Variants in USP37 observed in about 807,000 individuals in gnomAD.
USP37 encodes ubiquitin carboxyl-terminal hydrolase 37.
In USP37, 27 loss-of-function variants were observed where a neutral mutation model predicts 124.0. The ratio of observed to expected loss-of-function variants is 0.22; its 90% confidence interval spans 0.16 to 0.30. USP37 has a LOEUF of 0.30. USP37 is among the 10% of genes least tolerant of loss of function. The probability of loss-of-function intolerance (pLI) is 1.00; values close to 1 mark genes in which losing one functional copy is unlikely to be tolerated. For synonymous variants in USP37, 365 were observed against 388.0 expected (o/e 0.94, Z 0.70); for missense variants, 889 against 1,140.4 (o/e 0.78, Z 3.17).
intron 24 of USP37, 37 bp from the exon 25 acceptor site, chr2:218,455,755 A>G: frequency 6.2e-7 from 1 of 1,603,838 alleles, no homozygotes; most frequent in East Asian, 2.2e-5. Context: ...AGGTTTTTAA[A>G]AACACACCGA....
intron 8 of USP37, among the ~76,000 whole-genome samples, chr2:218,543,266 C>T (rs1185450902): frequency 1.3e-5 from 2 of 152,000 alleles, no homozygotes; most frequent in African/African-American, 4.8e-5. Context: ...CCTTGCGAGG[C>T]CGAGGTGGGC....
At chr2:218,460,551 T>C (rs1200086496) in intron 22 of USP37, among the ~76,000 whole-genome samples, 1 of 152,210 alleles carries the variant, frequency 6.6e-6, no homozygotes, top group South Asian at 2.1e-4. Context: ...ATAAGCTATA[T>C]ATGTTAGATT....
rs182838086 is a variant in USP37 at position 218,509,749 on chromosome 2, C to T, written c.1025+230G>A. ...GAAGTGTACTGGGTTGGAAAATACA[C>T]ATTTTCTGCTTTAAAATGAATATTA... is the stretch of plus-strand genomic sequence containing the variant. On this transcript the variant is annotated intron_variant, in intron 11 of 25. Transcript: ENST00000258399. Among the ~76,000 whole-genome samples the T allele has an allele frequency of 1.8e-3, 269 of 152,212 alleles. 1 individual carries two copies. The highest frequency in any genetic ancestry group is 3.2e-3 in the Non-Finnish European group (216 of 68,014).
chr2:218,566,827 T>C (rs1356144666), intron 1 of USP37, among the ~76,000 whole-genome samples: 17 of 152,144 alleles, frequency 1.1e-4, no homozygotes, highest in Admixed American at 7.9e-4. Flanking sequence ...GGAAGTAGGA[T>C]AGAACTTGGA....
chr2:218,492,234 T>TA (rs1036228543), intron 14 of USP37, among the ~76,000 whole-genome samples: 1 of 151,724 alleles, frequency 6.6e-6, no homozygotes, highest in Non-Finnish European at 1.5e-5. Flanking sequence ...AAAATAAAAA[T>TA]AAGAGAATTT....
At chr2:218,475,278 C>A (rs1317798735) in intron 19 of USP37, among the ~76,000 whole-genome samples, 1 of 152,114 alleles carries the variant, frequency 6.6e-6, no homozygotes, top group African/African-American at 2.4e-5. Context: ...TAAATGTTAG[C>A]TGATCTTATT....
In USP37 at chr2:218,452,525, T is replaced by C. The variant is rs3755042; in HGVS notation, c.*2405A>G. The C allele has an allele frequency of 0.3, 45,368 of 152,072 alleles. 7,879 individuals carry two copies. Among genetic ancestry groups the C allele is most frequent in the Non-Finnish European group, 0.39 (26,402 of 67,970 alleles). 9.4% of individuals were successfully genotyped at this position (152,072 alleles called of 1,614,324 possible). A position where few individuals can be genotyped will look rare whatever the true frequency, so the allele number is the denominator to read the frequency against. ...GAGAAGGCTGATAGGGCCACAAGAA[T>C]GGACAGACATCAAGTAAAATTTGAG... On this transcript the variant is annotated 3_prime_UTR_variant, in exon 26 of 26. Coordinates refer to ENST00000258399, the MANE Select transcript of USP37 (RefSeq NM_020935.3).
At chr2:218,487,315 T>G (rs931533556) in intron 15 of USP37, among the ~76,000 whole-genome samples, 1 of 152,278 alleles carries the variant, frequency 6.6e-6, no homozygotes, top group Admixed American at 6.5e-5. Context: ...TTTCTTATTC[T>G]GCAGATCTTA....
chr2:218,515,612 A>G (rs1161212755), intron 10 of USP37, among the ~76,000 whole-genome samples: 3 of 152,240 alleles, frequency 2.0e-5, no homozygotes, highest in Non-Finnish European at 4.4e-5. Context: ...AAACCTAGAC[A>G]ATACCATTCA....
chr2:218,545,694 T>C (rs969596109), intron 8 of USP37, among the ~76,000 whole-genome samples: 1 of 150,538 alleles, frequency 6.6e-6, no homozygotes, highest in African/African-American at 2.5e-5. Context: ...AAAAAAAAAA[T>C]CCTCACAAAA....
chr2:218,563,316 A>C (rs1179361848), intron 1 of USP37, among the ~76,000 whole-genome samples: 1 of 152,224 alleles, frequency 6.6e-6, no homozygotes, highest in Non-Finnish European at 1.5e-5. Context: ...TTAGGAACTT[A>C]TCTGCTGTGC....
At chr2:218,556,315 C>G (rs937233470) in intron 4 of USP37, among the ~76,000 whole-genome samples, 1 of 151,990 alleles carries the variant, frequency 6.6e-6, no homozygotes, top group African/African-American at 2.4e-5. Flanking sequence ...GAAATCACTT[C>G]CAGTTTGGCC....
chr2:218,530,217 T>C (rs565079491), intron 9 of USP37, among the ~76,000 whole-genome samples, 177 bp from the exon 10 acceptor site: 7 of 152,272 alleles, frequency 4.6e-5, no homozygotes, highest in African/African-American at 1.7e-4. Flanking sequence ...ATATTGCAGG[T>C]TTTTTTGTAT....
intron 11 of USP37, among the ~76,000 whole-genome samples, chr2:218,501,365 C>T (rs963153613): frequency 6.6e-6 from 1 of 152,080 alleles, no homozygotes; most frequent in Non-Finnish European, 1.5e-5. Context: ...AAGGGCATCA[C>T]ATCCAGGAAT....
chr2:218,495,802 G>T lies in USP37; in HGVS notation c.1430C>A (p.Thr477Asn). Residue 477 changes from threonine (T) to asparagine (N), a missense_variant, in exon 14 of 26, where the codon ACT (threonine) becomes AAT (asparagine). Around this residue, in one of 3 missense-constraint regions of USP37, gnomAD observed 504 missense variants for 714.3 expected, o/e 0.71. Coordinates refer to ENST00000258399, the MANE Select transcript of USP37 (RefSeq NM_020935.3). ...ATRAYTCPVITNLEFEVQHSI... is the reference protein window; with the variant it reads ...ATRAYTCPVINNLEFEVQHSI... ...GTGCTGAACCTCAAACTCCAAATTA[G>T]TAATAACAGGGCAAGTGTATGCTCT... 1 of 1,613,606 alleles carries T rather than the reference G, an allele frequency of 6.2e-7. No individual in the cohort carries two copies.
chr2:218,482,108 T>C lies in USP37; in HGVS notation c.1797A>G (p.Lys599=). The change falls in exon 17 of 26, where the codon AAA becomes AAG. Residue 599 remains lysine, a synonymous_variant. Transcript: ENST00000258399. ...TLSSHCTENT[K]PPFTLGWSAH... ...CACTCCAACCAAGGGTAAAAGGTGG[T>C]TTTGTATTTTCAGTGCAATGAGATG... 6.2e-7 allele frequency: 1 copy of C among 1,613,280 alleles called. No individual in the cohort carries two copies. The highest frequency in any genetic ancestry group is 8.5e-7 in the Non-Finnish European group (1 of 1,179,472).
intron 20 of USP37, 135 bp from the exon 21 acceptor site, chr2:218,466,311 C>T (rs992116103): frequency 3.1e-6 from 3 of 973,522 alleles, no homozygotes; most frequent in African/African-American, 3.3e-5. Context: ...ACAATTTCAC[C>T]TTACTAGATC....
chr2:218,504,266 T>C (rs894721801), intron 11 of USP37, among the ~76,000 whole-genome samples: 1 of 152,188 alleles, frequency 6.6e-6, no homozygotes, highest in African/African-American at 2.4e-5. Context: ...CATTAAATAA[T>C]CTCTCCCTCC....
chr2:218,513,649 T>C (rs1245051920), intron 10 of USP37, among the ~76,000 whole-genome samples: 1 of 152,228 alleles, frequency 6.6e-6, no homozygotes, highest in Non-Finnish European at 1.5e-5. Context: ...ATAAATGGAA[T>C]CTTACAATAT....
Sources: allele counts gnomAD v4.1 joint callset (sites outside exome capture counted in the v4.1 genomes callset), GRCh38; gene constraint gnomAD v4.1.1; regional missense constraint gnomAD v4.1.1; transcripts MANE v1.5; gene names NCBI Gene and HGNC (gene_info 2026-07-23, HGNC 2026-07-21).